PTPRD: variants seen among roughly 807,000 people sequenced by gnomAD.
The protein encoded by PTPRD is protein tyrosine phosphatase receptor type D.
In PTPRD, 34 loss-of-function variants were observed where a neutral mutation model predicts 214.5. That is an observed-to-expected ratio of 0.16 (90% CI 0.12 to 0.21). PTPRD has a LOEUF of 0.21. Among genes scored for constraint, PTPRD ranks in the 10% least tolerant of loss-of-function variants. The probability of loss-of-function intolerance (pLI) is 1.00; values close to 1 mark genes in which losing one functional copy is unlikely to be tolerated. For synonymous variants in PTPRD, 1,128 were observed against 845.7 expected, an observed-to-expected ratio of 1.33 and a Z score of -5.79; for missense variants, 2,545 against 2,398.7, an observed-to-expected ratio of 1.06 and a Z score of -1.27.
At position 9,873,441 on chromosome 9, in the gene PTPRD, T is replaced by C. The variant is rs190562359; in HGVS notation, c.-368+65066A>G. On this transcript the variant is annotated intron_variant, in intron 5 of 45. Transcript: ENST00000381196. ...AATAATTATCCAGAAACTCATAAGC[T>C]CTAACTAAAACCTGGATCTTACTTA... is the stretch of plus-strand genomic sequence containing the variant. Among the ~76,000 whole-genome samples, 695 of 152,010 alleles carry C rather than the reference T, an allele frequency of 4.6e-3. 1 individual carries two copies. The highest frequency in any genetic ancestry group is 0.015 in the African/African-American group (619 of 41,452).
chr9:9,393,960 T>C (rs2066814526), intron 9 of PTPRD, among the ~76,000 whole-genome samples: 1 of 152,166 alleles, frequency 6.6e-6, no homozygotes, highest in Non-Finnish European at 1.5e-5. Context: ...ACTTTCCTGA[T>C]AGCTAGTGCT....
At chr9:9,403,325 C>A (rs189400711) in intron 8 of PTPRD, among the ~76,000 whole-genome samples, 156 of 120,450 alleles carry the variant, frequency 1.3e-3, no homozygotes, top group African/African-American at 3.8e-3. Flanking sequence ...AAACAAAAAA[C>A]CCAGAACTAA....
chr9:9,369,375 T>C (rs1465316595), intron 9 of PTPRD, among the ~76,000 whole-genome samples: 1 of 152,166 alleles, frequency 6.6e-6, no homozygotes, highest in Non-Finnish European at 1.5e-5. Context: ...ATGAGCATTT[T>C]TTCATGTGTT....
chr9:9,247,344 C>T (rs1384686475), intron 9 of PTPRD, among the ~76,000 whole-genome samples: 1 of 151,786 alleles, frequency 6.6e-6, no homozygotes, highest in Non-Finnish European at 1.5e-5. Flanking sequence ...CCTGGCTGTC[C>T]ACTCTTCATG....
rs377337175 is a variant in PTPRD at position 8,460,503 on chromosome 9, C to T, written c.3783G>A (p.Thr1261=). The T allele has an allele frequency of 1.4e-5, 23 of 1,613,496 alleles. No individual in the cohort carries two copies. Among genetic ancestry groups the T allele is most frequent in the Non-Finnish European group, 1.7e-5 (20 of 1,179,638 alleles). ...VSMDLDPQPI[T]DEEEGLIWVV... ...CCCAGATCAAGCCTTCTTCTTCATC[C>T]GTGATTGGCTGCGGATCCAGATCCA... The change falls in exon 33 of 46, where the codon ACG becomes ACA. Residue 1261 remains threonine (T), a synonymous_variant. Transcript: ENST00000381196.
At chr9:9,710,148 T>C (rs1327047581) in intron 7 of PTPRD, among the ~76,000 whole-genome samples, 5 of 152,116 alleles carry the variant, frequency 3.3e-5, no homozygotes, top group Admixed American at 6.5e-5. Flanking sequence ...GTGTAGCAAA[T>C]ACATTTTAGT....
At chr9:9,249,205 T>C (rs192412147) in intron 9 of PTPRD, among the ~76,000 whole-genome samples, 22 of 152,076 alleles carry the variant, frequency 1.4e-4, no homozygotes, top group Admixed American at 1.4e-3. Flanking sequence ...CCTTTCTCTC[T>C]TGCTCCCTCT....
intron 10 of PTPRD, among the ~76,000 whole-genome samples, chr9:9,091,682 C>G (rs1051799586): frequency 6.6e-6 from 1 of 152,178 alleles, no homozygotes; most frequent in African/African-American, 2.4e-5. Context: ...CTGCCTGTAA[C>G]AAGTACTATA....
chr9:9,353,897 G>A (rs2052533924), intron 9 of PTPRD, among the ~76,000 whole-genome samples: 1 of 151,768 alleles, frequency 6.6e-6, no homozygotes, highest in African/African-American at 2.4e-5. Flanking sequence ...TGGGCTGTGA[G>A]TCATCTAGAA....
chr9:9,293,971 T>A (rs1952113231), intron 9 of PTPRD, among the ~76,000 whole-genome samples: 2 of 151,654 alleles, frequency 1.3e-5, no homozygotes, highest in South Asian at 4.1e-4. Flanking sequence ...CCAGCATCAG[T>A]ACTCTTGCAC....
At chr9:8,986,127 C>A (rs1367126614) in intron 11 of PTPRD, among the ~76,000 whole-genome samples, 2 of 152,024 alleles carry the variant, frequency 1.3e-5, no homozygotes, top group Non-Finnish European at 2.9e-5. Context: ...ACCTTCAGTG[C>A]AAGCTCTGCA....
At chr9:10,206,590 T>C (rs906087129) in intron 3 of PTPRD, among the ~76,000 whole-genome samples, 1 of 152,206 alleles carries the variant, frequency 6.6e-6, no homozygotes, top group Admixed American at 6.5e-5. Flanking sequence ...CAGTTCTAAA[T>C]ATTCTTATTG....
chr9:9,119,883 G>A (rs554325890), intron 10 of PTPRD, among the ~76,000 whole-genome samples: 1 of 151,304 alleles, frequency 6.6e-6, no homozygotes, highest in East Asian at 2.0e-4. Flanking sequence ...ACATGAAAGT[G>A]TATTGTACTT....
chr9:9,193,970 A>G (rs2099936772), intron 9 of PTPRD, among the ~76,000 whole-genome samples: 2 of 152,192 alleles, frequency 1.3e-5, no homozygotes, highest in South Asian at 4.1e-4. Context: ...AGCTTAAAAC[A>G]CAGACCTATT....
intron 37 of PTPRD, among the ~76,000 whole-genome samples, chr9:8,381,988 C>T (rs1358327097): frequency 6.6e-6 from 1 of 152,178 alleles, no homozygotes; most frequent in African/African-American, 2.4e-5. Flanking sequence ...GAGTATCCAC[C>T]TCAGACCTAA....
chr9:9,722,825 G>T (rs958980466), intron 7 of PTPRD, among the ~76,000 whole-genome samples: 14 of 152,132 alleles, frequency 9.2e-5, no homozygotes, highest in Admixed American at 8.5e-4. Context: ...ATTTTCATAT[G>T]CTTTTGACCA....
chr9:9,526,092 A>G (rs2074058721), intron 8 of PTPRD, among the ~76,000 whole-genome samples: 1 of 152,234 alleles, frequency 6.6e-6, no homozygotes, highest in Non-Finnish European at 1.5e-5. Flanking sequence ...CTTAAAAAAA[A>G]ATACATTATA....
chr9:8,721,045 T>C (rs2098489523), intron 12 of PTPRD, among the ~76,000 whole-genome samples: 1 of 152,076 alleles, frequency 6.6e-6, no homozygotes, highest in Admixed American at 6.6e-5. Flanking sequence ...TTGGATTTTT[T>C]TTTTTTTTTT....
intron 9 of PTPRD, among the ~76,000 whole-genome samples, chr9:9,277,297 T>G (rs1946027481): frequency 6.6e-6 from 1 of 151,402 alleles, no homozygotes; most frequent in Non-Finnish European, 1.5e-5. Flanking sequence ...AATGCCAATC[T>G]GTAAGAATTT....
Sources: allele counts gnomAD v4.1 joint callset (sites outside exome capture counted in the v4.1 genomes callset), GRCh38; gene constraint gnomAD v4.1.1; transcripts MANE v1.5; gene names NCBI Gene and HGNC (gene_info 2026-07-23, HGNC 2026-07-21).